NRK: variants seen among roughly 807,000 people sequenced by gnomAD.
NRK encodes Nik related kinase, also known as nik-related protein kinase.
Under a neutral mutation model 125.2 loss-of-function variants are expected in NRK, and 67 were observed. The ratio of observed to expected loss-of-function variants is 0.54; its 90% CI spans 0.44 to 0.66. NRK has a LOEUF of 0.66. Among genes scored for constraint, NRK ranks in the 30% least tolerant of loss-of-function variants. The probability of loss-of-function intolerance (pLI) is 0.00; values close to 1 mark genes in which losing one functional copy is unlikely to be tolerated. For missense variants in NRK, 1,224 were observed against 1,192.9 expected, an observed-to-expected ratio of 1.03 and a Z score of -0.38; for synonymous variants, 458 against 429.0, an observed-to-expected ratio of 1.07 and a Z score of -0.84.
Position 105,822,546 on chromosome X carries a change from G to C in NRK, c.-300G>C. The C allele has an allele frequency of 2.9e-6, 1 of 346,071 alleles. No individual in the cohort carries two copies. The highest frequency in any genetic ancestry group is 4.5e-5 in the South Asian group (1 of 22,399). 28.5% of individuals were successfully genotyped at this position (346,071 alleles called of 1,213,427 possible). On this transcript the variant is annotated 5_prime_UTR_variant, in exon 1 of 29. Transcript: ENST00000243300. ...GGCGCACCCTGACGGGGCAGACACA[G>C]CGCTCTCGACACGGAGCACCCTTCT... is the stretch of plus-strand genomic sequence containing the variant.
intron 2 of NRK, among the ~76,000 whole-genome samples, chrX:105,862,470 A>G (rs1190230782): frequency 2.7e-5 from 3 of 111,731 alleles, no homozygotes; most frequent in East Asian, 2.8e-4. Context: ...AAAGCTAATC[A>G]TAAGACATTT....
rs377259643 is a variant in NRK, at chrX:105,946,000, T to C, written c.4188T>C (p.His1396=). 1.7e-4 allele frequency: 207 copies of C among 1,207,757 alleles called. No individual in the cohort carries two copies. The highest frequency in any genetic ancestry group is 2.1e-4 in the Non-Finnish European group (186 of 893,876). Residue 1396 remains histidine, a synonymous_variant, in exon 25 of 29, where the codon CAT becomes CAC. Transcript: ENST00000243300. ...TTAAGAGACCAGATGAGCTCCTTCA[T>C]TTGCTGAAGCTCAAGGCAAGGAACT... ...NRFKRPDELL[H]LLKLKVFPTL... is the part of the protein sequence containing the mutation.
intron 2 of NRK, among the ~76,000 whole-genome samples, chrX:105,844,945 T>C (rs2039382241): frequency 9.0e-6 from 1 of 111,552 alleles, no homozygotes; most frequent in Non-Finnish European, 1.9e-5. Flanking sequence ...ATCTTTTGAG[T>C]TCTGTTGGTG....
chrX:105,932,799 G>A (rs779514605), intron 19 of NRK, among the ~76,000 whole-genome samples: 1 of 111,049 alleles, frequency 9.0e-6, no homozygotes, highest in African/African-American at 3.3e-5. Flanking sequence ...AATCCTTCAT[G>A]GGCCAAATTA....
intron 2 of NRK, among the ~76,000 whole-genome samples, chrX:105,832,441 G>A (rs2039206003): frequency 9.0e-6 from 1 of 110,817 alleles, no homozygotes; most frequent in Non-Finnish European, 1.9e-5. Context: ...CTTGTGTAAT[G>A]TTCTATATAA....
At chrX:105,937,885 A>G (rs1469744247) in intron 22 of NRK, among the ~76,000 whole-genome samples, 5 of 111,626 alleles carry the variant, frequency 4.5e-5, no homozygotes, top group African/African-American at 1.6e-4. Flanking sequence ...CCATTCATGC[A>G]CAGGACTGCA....
intron 19 of NRK, among the ~76,000 whole-genome samples, chrX:105,930,923 G>C (rs1181840456): frequency 8.9e-6 from 1 of 112,048 alleles, no homozygotes; most frequent in Non-Finnish European, 1.9e-5. Context: ...TTGCCAGGCT[G>C]TTTCTCAGTC....
chrX:105,821,983 C>T (rs1459834618), upstream of NRK, among the ~76,000 whole-genome samples: 1 of 112,402 alleles, frequency 8.9e-6, no homozygotes. Context: ...GTACTCGGTG[C>T]CTTCCTCTGT....
intron 2 of NRK, among the ~76,000 whole-genome samples, chrX:105,846,603 T>C (rs2039404969): frequency 9.0e-6 from 1 of 111,333 alleles, no homozygotes; most frequent in Non-Finnish European, 1.9e-5. Flanking sequence ...GATGTAACAT[T>C]GTTATTTATG....
In NRK at chrX:105,944,061, T is replaced by G; in HGVS notation, c.4059+20T>G. On this transcript the variant is annotated intron_variant, in intron 24 of 28. Transcript: ENST00000243300. Reference sequence around the variant, plus strand: ...ATTAAAGTGAGTGAGCTCCTTTTTCTTTGGATTATATGATTTTTTATTTTG... The same window carrying G: ...ATTAAAGTGAGTGAGCTCCTTTTTCGTTGGATTATATGATTTTTTATTTTG... 1.2e-6 allele frequency: 1 copy of G among 856,620 alleles called. No homozygotes were observed. Among genetic ancestry groups the G allele is most frequent in the Non-Finnish European group, 1.7e-6 (1 of 598,059 alleles). 70.6% of individuals were successfully genotyped at this position (856,620 alleles called of 1,213,427 possible). A position where few individuals can be genotyped will look rare whatever the true frequency, so the allele number is the denominator to read the frequency against.
rs2040970756 is a variant in NRK at position 105,955,894 on chromosome X, AT to A, written c.*296del. ...TTTGGACAGTTTGGACAGTATCTGT[AT>A]TCAGATTTTACAACATGGAGTAAAG... On this transcript the variant is annotated 3_prime_UTR_variant, in exon 29 of 29. Transcript: ENST00000243300. 6.0e-6 allele frequency: 1 copy of A among 167,602 alleles called. No homozygotes were observed. 13.8% of individuals were successfully genotyped at this position (167,602 alleles called of 1,213,427 possible).
chrX:105,943,758 A>T (rs1367922844), intron 23 of NRK, among the ~76,000 whole-genome samples, 183 bp from the exon 24 acceptor site: 1 of 112,282 alleles, frequency 8.9e-6, no homozygotes, highest in Non-Finnish European at 1.9e-5. Flanking sequence ...TGTATACTCC[A>T]TAAAACTATA....
intron 2 of NRK, among the ~76,000 whole-genome samples, chrX:105,831,880 G>A (rs1243810563): frequency 9.0e-6 from 1 of 111,698 alleles, no homozygotes; most frequent in Non-Finnish European, 1.9e-5. Context: ...TTTTGTTCTT[G>A]TCATTATTCC....
At chrX:105,840,870 T>C (rs1016311476) in intron 2 of NRK, among the ~76,000 whole-genome samples, 5 of 101,526 alleles carry the variant, frequency 4.9e-5, no homozygotes, top group Admixed American at 1.0e-4. Context: ...TATATATATA[T>C]ACATAGAGAG....
chrX:105,902,902 T>A (rs2040177638), intron 9 of NRK, among the ~76,000 whole-genome samples: 1 of 111,349 alleles, frequency 9.0e-6, no homozygotes, highest in Non-Finnish European at 1.9e-5. Context: ...TAGTCCCTGG[T>A]GCCAAAAAGT....
At chrX:105,865,206 G>C (rs1360274262) in intron 2 of NRK, among the ~76,000 whole-genome samples, 2 of 111,383 alleles carry the variant, frequency 1.8e-5, no homozygotes, top group Non-Finnish European at 3.8e-5. Flanking sequence ...CACCTGGGGT[G>C]GTGGGTTGGG....
chrX:105,833,262 C>A (rs2039218390), intron 2 of NRK, among the ~76,000 whole-genome samples: 1 of 111,102 alleles, frequency 9.0e-6, no homozygotes, highest in South Asian at 3.8e-4. Flanking sequence ...AAATATATTG[C>A]TTAGGCTACC....
chrX:105,836,293 TA>T (rs1678994225), intron 2 of NRK, among the ~76,000 whole-genome samples: 1 of 112,102 alleles, frequency 8.9e-6, no homozygotes, highest in Admixed American at 9.5e-5. Context: ...ATGAAGAATA[TA>T]CCATATGCTA....
chrX:105,925,490 T>C (rs907918203), intron 19 of NRK, among the ~76,000 whole-genome samples: 1 of 111,060 alleles, frequency 9.0e-6, no homozygotes, highest in Non-Finnish European at 1.9e-5. Context: ...TTTGAAAATA[T>C]GTAATGAATT....
Sources: gnomAD v4.1 joint callset for allele counts (sites outside exome capture counted in the v4.1 genomes callset) on GRCh38, gnomAD v4.1.1 for gene constraint, MANE v1.5 for transcripts, NCBI Gene and HGNC (gene_info 2026-07-23, HGNC 2026-07-21) for gene names.